MCM3AP: variants seen among roughly 807,000 people sequenced by gnomAD.
MCM3AP encodes the protein germinal-center associated nuclear protein.
In MCM3AP, 126 loss-of-function variants were observed where a neutral mutation model predicts 184.1. The ratio of observed to expected loss-of-function variants is 0.68; its 90% CI spans 0.59 to 0.79. The LOEUF (loss-of-function observed/expected upper bound fraction) is 0.79. MCM3AP is among the 30% of genes least tolerant of loss of function. MCM3AP has a pLI of 0.00. For missense variants in MCM3AP, 2,496 were observed against 2,479.2 expected (o/e 1.01, Z -0.14); for synonymous variants, 1,002 against 979.3 (o/e 1.02, Z -0.43).
At chr21:46,262,052 A>G (rs2081047808) in intron 13 of MCM3AP, among the ~76,000 whole-genome samples, 1 of 152,218 alleles carries the variant, frequency 6.6e-6, no homozygotes, top group South Asian at 2.1e-4. Context: ...TGCAACCTGT[A>G]CTTGTTTGGC....
At chr21:46,258,850 T>A in intron 16 of MCM3AP, 89 bp downstream of exon 16, 1 of 1,417,982 alleles carries the variant, frequency 7.1e-7, no homozygotes. Context: ...TACCACTGAA[T>A]ACAGAAACTA....
Position 46,245,111 on chromosome 21 carries a change from G to A in MCM3AP, c.4734C>T (p.Asp1578=), listed in dbSNP as rs549689552. The A allele has an allele frequency of 2.4e-5, 39 of 1,614,222 alleles. No homozygotes were observed. The highest frequency in any genetic ancestry group is 1.6e-4 in the Middle Eastern group (1 of 6,062). ...GGCCACTAAACTCATGGCCAATCCC[G>A]TCTTCGACGTACTGAATGAGAGTCT... ...CCQTLIQYVE[D]GIGHEFSGRF... Residue 1578 remains aspartate (D), a synonymous_variant, in exon 23 of 28, where the codon GAC becomes GAT. Coordinates refer to ENST00000291688, the MANE Select transcript of MCM3AP (RefSeq NM_003906.5).
chr21:46,261,130 C>G (rs1015182744), intron 14 of MCM3AP, 150 bp downstream of exon 14: 77 of 1,061,890 alleles, frequency 7.3e-5, no homozygotes, highest in Middle Eastern at 3.1e-4. Flanking sequence ...CCATCCACCC[C>G]CTGGGCTGAA....
chr21:46,279,305 G>A (rs1251145768), intron 4 of MCM3AP, among the ~76,000 whole-genome samples: 1 of 152,088 alleles, frequency 6.6e-6, no homozygotes, highest in Non-Finnish European at 1.5e-5. Flanking sequence ...AGGAATGCAT[G>A]GTTTATTACA....
At chr21:46,241,277 C>T in intron 25 of MCM3AP, 1 of 385,254 alleles carries the variant, frequency 2.6e-6, no homozygotes, top group Non-Finnish European at 4.7e-6. Flanking sequence ...CTGCCTGTTC[C>T]TCTTGGAAGC....
At chr21:46,250,554 G>C (rs894428334) in intron 20 of MCM3AP, 13 of 152,258 alleles carry the variant, frequency 8.5e-5, no homozygotes, top group African/African-American at 3.1e-4. Flanking sequence ...AAAGCCAGCT[G>C]CCATGCTGTC....
In MCM3AP at chr21:46,243,863, G is replaced by T. The variant is rs186449432; in HGVS notation, c.5039-141C>A. 1,393 of 791,504 alleles carry T rather than the reference G, an allele frequency of 1.8e-3. 3 individuals are homozygous for T. The highest frequency in any genetic ancestry group is 2.6e-3 in the Non-Finnish European group (1,320 of 506,742). The allele number at this position is 791,504 out of a possible 1,614,324, so 49.0% of individuals were successfully genotyped here. ...CACAGCAGAACCACAGTTGTTGAGG[G>T]GGAAGAGCAGCTTGCTCCCAGGGTC... On this transcript the variant is annotated intron_variant, in intron 23 of 27. Transcript: ENST00000291688.
At chr21:46,272,127 T>G (rs753155398) in intron 8 of MCM3AP, among the ~76,000 whole-genome samples, 2 of 152,084 alleles carry the variant, frequency 1.3e-5, no homozygotes, top group Non-Finnish European at 2.9e-5. Context: ...TCATTCTCAC[T>G]ACCCCATTCT....
intron 9 of MCM3AP, among the ~76,000 whole-genome samples, chr21:46,268,767 G>A (rs1601530336): frequency 1.3e-5 from 2 of 152,348 alleles, no homozygotes; most frequent in African/African-American, 4.8e-5. Context: ...AAAACGGCCA[G>A]GCAAGGTGGT....
chr21:46,281,671 TAATAA>T (rs1400807674), intron 2 of MCM3AP, among the ~76,000 whole-genome samples: 1 of 151,166 alleles, frequency 6.6e-6, no homozygotes, highest in Admixed American at 6.6e-5. Context: ...AATAAATAAA[TAATAA>T]AATAACAATA....
Position 46,242,879 on chromosome 21 carries a change from C to T in MCM3AP, c.5349G>A (p.Leu1783=). ...ACGACAAAGGAACATCATATTTTTT[C>T]AAATCGTTTTTAAAAAAATACACAC... ...QICVYFFKND[L]KKYDVPLSWE... The change falls in exon 25 of 28, where the codon TTG becomes TTA. Residue 1783 remains leucine (L), a synonymous_variant. Transcript: ENST00000291688. 6.2e-7 allele frequency: 1 copy of T among 1,611,938 alleles called. No individual in the cohort carries two copies. Among genetic ancestry groups the T allele is most frequent in the Non-Finnish European group, 8.5e-7 (1 of 1,178,912 alleles).
At chr21:46,250,089 A>T (rs1166374628) in intron 20 of MCM3AP, 2 of 152,722 alleles carry the variant, frequency 1.3e-5, no homozygotes, top group Non-Finnish European at 2.9e-5. Context: ...CTACCGAGAT[A>T]TATACGGCCC....
At chr21:46,273,190 G>C (rs1226622677) in intron 7 of MCM3AP, among the ~76,000 whole-genome samples, 198 bp downstream of exon 7, 2 of 152,120 alleles carry the variant, frequency 1.3e-5, no homozygotes, top group Non-Finnish European at 2.9e-5. Flanking sequence ...GGCCAGGCTG[G>C]TCTCAAACTC....
chr21:46,280,834 C>G (rs2081322815), intron 2 of MCM3AP, among the ~76,000 whole-genome samples: 1 of 151,148 alleles, frequency 6.6e-6, no homozygotes, highest in Non-Finnish European at 1.5e-5. Context: ...GAGACAGAGT[C>G]TCGCTCTGTC....
intron 20 of MCM3AP, 73 bp from the exon 21 acceptor site, chr21:46,246,959 C>T: frequency 1.3e-6 from 2 of 1,509,952 alleles, no homozygotes; most frequent in South Asian, 2.4e-5. Flanking sequence ...TGCCCCAGAG[C>T]AAGTGCAGCC....
In MCM3AP at chr21:46,267,108, G is replaced by C; in HGVS notation, c.2663C>G (p.Ala888Gly). The C allele has an allele frequency of 2.5e-6, 4 of 1,613,954 alleles. No individual in the cohort carries two copies. The highest frequency in any genetic ancestry group is 2.5e-6 in the Non-Finnish European group (3 of 1,179,954). ...RKDALRALNFAYTVSTQRSTI... is the reference protein window; with the variant it reads ...RKDALRALNFGYTVSTQRSTI... ...AGATCGCTGTGTGCTCACCGTGTACGCAAAGTTGAGCGCCCGGAGAGCATC... is the reference window on the plus strand; with the variant it reads ...AGATCGCTGTGTGCTCACCGTGTACCCAAAGTTGAGCGCCCGGAGAGCATC... Residue 888 changes from alanine (A) to glycine (G), a missense_variant, in exon 10 of 28, where the codon GCG becomes GGG. Transcript: ENST00000291688.
intron 6 of MCM3AP, 133 bp from the exon 7 acceptor site, chr21:46,273,718 A>C: frequency 1.5e-6 from 1 of 676,948 alleles, no homozygotes; most frequent in Non-Finnish European, 2.5e-6. Context: ...TTTTTTCAAC[A>C]TAAAATTTCT....
chr21:46,276,003 G>A (rs1230399955), intron 5 of MCM3AP, among the ~76,000 whole-genome samples: 1 of 152,182 alleles, frequency 6.6e-6, no homozygotes, highest in Non-Finnish European at 1.5e-5. Context: ...TGTAATCCCA[G>A]CACTTTGGGA....
At chr21:46,261,099 G>T (rs1254263564) in intron 14 of MCM3AP, among the ~76,000 whole-genome samples, 181 bp downstream of exon 14, 1 of 152,172 alleles carries the variant, frequency 6.6e-6, no homozygotes, top group African/African-American at 2.4e-5. Context: ...CTGCTCACGG[G>T]TAGGTGTGGC....
Sources: gnomAD v4.1 joint callset for allele counts (sites outside exome capture counted in the v4.1 genomes callset) on GRCh38, gnomAD v4.1.1 for gene constraint, MANE v1.5 for transcripts, NCBI Gene and HGNC (gene_info 2026-07-23, HGNC 2026-07-21) for gene names.